The following KIR2DL4 variants were observed in gnomAD, a reference collection of about 807,000 sequenced individuals.
KIR2DL4 encodes killer cell immunoglobulin-like receptor 2DL4.
A neutral mutation model predicts 31.0 loss-of-function variants in KIR2DL4; 41 were observed. The observed-to-expected ratio is 1.32, with a 90% confidence interval of 1.03 to 1.72. KIR2DL4 has a LOEUF of 1.72. Among genes scored for constraint, KIR2DL4 ranks in the 40% most tolerant of loss-of-function variants. KIR2DL4 has a pLI of 0.00. For missense variants in KIR2DL4, 438 were observed against 353.7 expected, an observed-to-expected ratio of 1.24 and a Z score of -1.91; for synonymous variants, 164 against 133.6, an observed-to-expected ratio of 1.23 and a Z score of -1.57.
chr19:54,808,140 G>A (rs1451263305), intron 4 of KIR2DL4, among the ~76,000 whole-genome samples: 1 of 150,002 alleles, frequency 6.7e-6, no homozygotes, highest in African/African-American at 2.5e-5. Flanking sequence ...CCCATTCTGT[G>A]GGTTGTCTCT....
intron 4 of KIR2DL4, 65 bp downstream of exon 4, chr19:54,806,309 CTGA>C: frequency 6.7e-7 from 1 of 1,485,294 alleles, no homozygotes; most frequent in Non-Finnish European, 9.2e-7. Flanking sequence ...GAGCTTCCTG[CTGA>C]TGATGGAGAG....
intron 4 of KIR2DL4, 145 bp from the exon 5 acceptor site, chr19:54,808,688 A>G (rs1409947165): frequency 1.3e-6 from 1 of 751,186 alleles, no homozygotes; most frequent in Non-Finnish European, 2.4e-6. Context: ...TGTCACCTAC[A>G]ATGATTATGG....
chr19:54,813,414 T>C (rs369223777), intron 6 of KIR2DL4: 20 of 834,162 alleles, frequency 2.4e-5, no homozygotes, highest in Admixed American at 8.6e-5. Flanking sequence ...CGTTGCCTGA[T>C]TGTGAACTGT....
chr19:54,813,845 T>C, exon 8 of KIR2DL4: 1 of 1,612,418 alleles, frequency 6.2e-7, no homozygotes, highest in South Asian at 1.1e-5. Context: ...TCTCCAGGAC[T>C]CTGATGAACA....
At chr19:54,813,801 A>T (rs1426998568) in intron 7 of KIR2DL4, 41 bp from the exon 7 acceptor site, 1 of 1,611,794 alleles carries the variant, frequency 6.2e-7, no homozygotes, top group African/African-American at 1.3e-5. Context: ...GTCCTGAAAA[A>T]TGTGAACACC....
exon 8 of KIR2DL4, chr19:54,813,995 G>A: frequency 6.2e-7 from 1 of 1,611,272 alleles, no homozygotes; most frequent in South Asian, 1.1e-5. Context: ...TGAGCCCAGA[G>A]CGTTGTCTCC....
In KIR2DL4 at chr19:54,808,975, G is replaced by T. The variant is rs1296715213; in HGVS notation, c.706+92G>T. 5.4e-5 allele frequency: 54 copies of T among 998,598 alleles called. 1 individual carries two copies. In the South Asian group the frequency reaches 5.5e-4, roughly 10 times the overall value. 61.9% of individuals were successfully genotyped at this position (998,598 alleles called of 1,614,324 possible). A position where few individuals can be genotyped will look rare whatever the true frequency, so the allele number is the denominator to read the frequency against. ...CGTTGGCTCAGCACCTGCCAGCTCT[G>T]TGATTGTGGGCCTGTCTTCCATTGT... On this transcript the variant is annotated intron_variant, in intron 5 of 7. Coordinates refer to ENST00000359085, the Ensembl canonical transcript of KIR2DL4.
intron 6 of KIR2DL4, 120 bp from the exon 6 acceptor site, chr19:54,813,570 C>A: frequency 1.0e-6 from 1 of 1,002,502 alleles, no homozygotes; most frequent in Non-Finnish European, 1.5e-6. Context: ...CTGAGTCTGG[C>A]TGTTGGCAGC....
intron 6 of KIR2DL4, among the ~76,000 whole-genome samples, 173 bp from the exon 6 acceptor site, chr19:54,813,516 AG>A (rs1309065860): frequency 6.6e-6 from 1 of 151,092 alleles, no homozygotes; most frequent in Non-Finnish European, 1.5e-5. Context: ...GGGAACTGAC[AG>A]CTATTCATGG....
chr19:54,811,553 T>C (rs2060870353), intron 5 of KIR2DL4, among the ~76,000 whole-genome samples: 1 of 151,106 alleles, frequency 6.6e-6, no homozygotes, highest in African/African-American at 2.4e-5. Context: ...CTTCCTTATT[T>C]GGCTTTCTGT....
At chr19:54,809,463 C>T (rs1436021580) in intron 5 of KIR2DL4, among the ~76,000 whole-genome samples, 6 of 151,036 alleles carry the variant, frequency 4.0e-5, no homozygotes, top group Admixed American at 4.0e-4. Context: ...TGGATGGAAA[C>T]CACATTTTTA....
rs545633761 is a variant in KIR2DL4 at position 54,813,162 on chromosome 19, A to C, written c.744A>C (p.Ser248=). The change falls in exon 6 of 8, where the codon TCA becomes TCC. Residue 248 remains serine, a synonymous_variant. Coordinates refer to ENST00000359085, the Ensembl canonical transcript of KIR2DL4. ...ACCTGCATGCTGTGATTAGGTACTC[A>C]GTGGCCATCATCCTCTTTACCATCC... The C allele has an allele frequency of 3.3e-5, 51 of 1,529,708 alleles. 3 individuals carry two copies. The East Asian group carries it at 1.2e-3, about 35-fold the overall frequency. 94.8% of individuals were successfully genotyped at this position (1,529,708 alleles called of 1,614,324 possible).
At chr19:54,807,840 C>A (rs1324851074) in intron 4 of KIR2DL4, among the ~76,000 whole-genome samples, 1 of 149,540 alleles carries the variant, frequency 6.7e-6, no homozygotes. Flanking sequence ...TTCTCCACCA[C>A]CTTGCCAACA....
chr19:54,808,328 A>G (rs1351479650), intron 4 of KIR2DL4, among the ~76,000 whole-genome samples: 1 of 151,196 alleles, frequency 6.6e-6, no homozygotes, highest in African/African-American at 2.4e-5. Context: ...TTAGACATTT[A>G]ATGGATTCAG....
chr19:54,804,676 G>A, intron 2 of KIR2DL4, 117 bp from the exon 3 acceptor site: 5 of 1,116,946 alleles, frequency 4.5e-6, no homozygotes, highest in Non-Finnish European at 5.2e-6. Context: ...TGTAGCCCCA[G>A]GCACCCAGGT....
Position 54,811,960 on chromosome 19 carries a change from A to G in KIR2DL4, c.707-1165A>G, listed in dbSNP as rs894076442. On this transcript the variant is annotated intron_variant, in intron 5 of 7. Transcript: ENST00000359085. Reference sequence around the variant, plus strand: ...CATCATTATTTCCTGGCTGTTTGATATAAGACAGCTCAACCTCACTTATGT... The same window carrying G: ...CATCATTATTTCCTGGCTGTTTGATGTAAGACAGCTCAACCTCACTTATGT... Among the ~76,000 whole-genome samples the G allele has an allele frequency of 7.3e-5, 11 of 151,592 alleles. 2 individuals carry two copies. The highest frequency in any genetic ancestry group is 2.7e-4 in the African/African-American group (11 of 41,118).
intron 3 of KIR2DL4, among the ~76,000 whole-genome samples, chr19:54,805,390 C>T (rs1479012754): frequency 6.6e-6 from 1 of 151,026 alleles, no homozygotes; most frequent in Non-Finnish European, 1.5e-5. Flanking sequence ...AGTGTAATCA[C>T]AAGGGTCCAT....
chr19:54,808,115 T>C (rs113064120), intron 4 of KIR2DL4, among the ~76,000 whole-genome samples: 1,935 of 150,728 alleles, frequency 0.013, 97 homozygotes, highest in African/African-American at 0.044. Context: ...GATGCATAGT[T>C]TGCAAATATT....
intron 4 of KIR2DL4, among the ~76,000 whole-genome samples, chr19:54,807,640 G>A (rs2060606835): frequency 1.3e-5 from 2 of 149,324 alleles, no homozygotes; most frequent in African/African-American, 5.0e-5. Flanking sequence ...GTTTCACCAT[G>A]TTAGCCAGGC....
Sources: allele counts gnomAD v4.1 joint callset (sites outside exome capture counted in the v4.1 genomes callset), GRCh38; gene constraint gnomAD v4.1.1; transcripts MANE v1.5; gene names NCBI Gene and HGNC (gene_info 2026-07-23, HGNC 2026-07-21).